Variants in XKR9 observed in about 807,000 individuals in gnomAD.
XKR9 encodes XK related 9.
A neutral mutation model predicts 32.0 loss-of-function variants in XKR9; 32 were observed. That is an observed-to-expected ratio of 1.00 (90% CI 0.76 to 1.34). XKR9 has a LOEUF of 1.34. Ranked by LOEUF, XKR9 falls within the 40% of genes most tolerant of loss-of-function variation. The pLI is 0.00. For missense variants in XKR9, 546 were observed against 429.7 expected, an observed-to-expected ratio of 1.27 and a Z score of -2.39; for synonymous variants, 168 against 143.4, an observed-to-expected ratio of 1.17 and a Z score of -1.22.
the XKR9 span, among the ~76,000 whole-genome samples, chr8:71,064,493 C>T: frequency 6.5e-4 from 99 of 152,122 alleles, no homozygotes; most frequent in Non-Finnish European, 1.3e-3. Flanking sequence ...ATTGATACCA[C>T]GTATGGAATG....
At chr8:70,903,627 C>G in the XKR9 span, among the ~76,000 whole-genome samples, 4 of 152,054 alleles carry the variant, frequency 2.6e-5, no homozygotes, top group Admixed American at 2.6e-4. Flanking sequence ...TTTTTTGTGT[C>G]TCTCTCTCGT....
At chr8:71,051,540 T>G in the XKR9 span, among the ~76,000 whole-genome samples, 4 of 152,062 alleles carry the variant, frequency 2.6e-5, no homozygotes, top group African/African-American at 9.6e-5. Flanking sequence ...TGTGTGTGTG[T>G]GTGTGTGTGT....
the XKR9 span, among the ~76,000 whole-genome samples, chr8:70,839,649 T>G: frequency 6.6e-6 from 1 of 152,144 alleles, no homozygotes; most frequent in Non-Finnish European, 1.5e-5. Context: ...CTGAGATACC[T>G]TACTCAGCTT....
chr8:70,743,980 G>A (rs946463991), intron 2 of XKR9, among the ~76,000 whole-genome samples: 2 of 151,954 alleles, frequency 1.3e-5, no homozygotes, highest in African/African-American at 2.4e-5. Flanking sequence ...GACGATTTGT[G>A]CAGTAAGAGA....
chr8:70,993,320 C>T, the XKR9 span, among the ~76,000 whole-genome samples: 1 of 152,110 alleles, frequency 6.6e-6, no homozygotes, highest in Non-Finnish European at 1.5e-5. Flanking sequence ...GCTCATCATG[C>T]CAGGGAAAAT....
the XKR9 span, among the ~76,000 whole-genome samples, chr8:70,847,395 T>A: frequency 6.6e-6 from 1 of 151,562 alleles, no homozygotes; most frequent in African/African-American, 2.4e-5. Flanking sequence ...AAAGTAAATA[T>A]TTCATGTAAT....
the XKR9 span, among the ~76,000 whole-genome samples, chr8:70,818,650 A>G: frequency 1.3e-5 from 2 of 152,214 alleles, no homozygotes; most frequent in Admixed American, 6.6e-5. Context: ...AGTATTATAC[A>G]TCATTTTTAC....
the XKR9 span, among the ~76,000 whole-genome samples, chr8:70,820,818 A>G: frequency 6.6e-6 from 1 of 152,146 alleles, no homozygotes; most frequent in African/African-American, 2.4e-5. Context: ...AATTATGTCC[A>G]CCTGATCTCT....
the XKR9 span, among the ~76,000 whole-genome samples, chr8:70,943,329 G>A: frequency 6.6e-6 from 1 of 152,040 alleles, no homozygotes; most frequent in East Asian, 1.9e-4. Context: ...ATCTGGAAAT[G>A]GACTAATAAG....
intron 3 of XKR9, among the ~76,000 whole-genome samples, chr8:70,694,428 C>T (rs942593707): frequency 6.6e-6 from 1 of 151,502 alleles, no homozygotes; most frequent in African/African-American, 2.4e-5. Context: ...AGATCTGTGT[C>T]AGCTGGAAAG....
At chr8:71,048,456 G>A in the XKR9 span, among the ~76,000 whole-genome samples, 12 of 151,922 alleles carry the variant, frequency 7.9e-5, no homozygotes, top group Admixed American at 2.6e-4. Flanking sequence ...GATAGATAAC[G>A]TCTTCTATTA....
chr8:70,950,601 G>T, the XKR9 span, among the ~76,000 whole-genome samples: 18 of 152,252 alleles, frequency 1.2e-4, no homozygotes, highest in South Asian at 2.9e-3. Flanking sequence ...TGTCTTCAGA[G>T]CAATGGGAGG....
At chr8:70,723,206 T>A (rs949250444) in intron 4 of XKR9, among the ~76,000 whole-genome samples, 3 of 152,128 alleles carry the variant, frequency 2.0e-5, no homozygotes, top group African/African-American at 7.2e-5. Context: ...TGTAATCTGT[T>A]ATCAAGGTTC....
At chr8:71,064,304 T>A in the XKR9 span, among the ~76,000 whole-genome samples, 1 of 152,170 alleles carries the variant, frequency 6.6e-6, no homozygotes, top group Non-Finnish European at 1.5e-5. Context: ...ATAATACTAC[T>A]ACTGTCATCA....
At chr8:70,859,090 G>A in the XKR9 span, among the ~76,000 whole-genome samples, 7 of 152,008 alleles carry the variant, frequency 4.6e-5, no homozygotes, top group Non-Finnish European at 7.4e-5. Context: ...TAAAATATTT[G>A]CAAATTACCC....
At chr8:70,854,849 T>G in the XKR9 span, among the ~76,000 whole-genome samples, 1 of 152,202 alleles carries the variant, frequency 6.6e-6, no homozygotes, top group African/African-American at 2.4e-5. Flanking sequence ...TGGCATTATT[T>G]CTGAGGGCTC....
the XKR9 span, among the ~76,000 whole-genome samples, chr8:70,977,045 C>T: frequency 6.6e-6 from 1 of 152,126 alleles, no homozygotes; most frequent in East Asian, 1.9e-4. Flanking sequence ...GTTTGTATTT[C>T]TGTGCGATTG....
the XKR9 span, among the ~76,000 whole-genome samples, chr8:70,846,144 A>G: frequency 6.6e-6 from 1 of 152,144 alleles, no homozygotes; most frequent in African/African-American, 2.4e-5. Flanking sequence ...ATAAGATGAT[A>G]TATTCAAAGT....
chr8:70,794,014 G>A (rs141680735), downstream of XKR9, among the ~76,000 whole-genome samples: 1,460 of 152,030 alleles, frequency 9.6e-3, 12 homozygotes, highest in Middle Eastern at 0.051. Context: ...TAAAAGCAGA[G>A]ATATTTAATT....
Sources: allele counts gnomAD v4.1 joint callset (sites outside exome capture counted in the v4.1 genomes callset), GRCh38; gene constraint gnomAD v4.1.1; transcripts MANE v1.5; gene names NCBI Gene and HGNC (gene_info 2026-07-23, HGNC 2026-07-21).